Variants in LMCD1 observed in about 807,000 individuals in gnomAD.
The protein encoded by LMCD1 is LIM and cysteine-rich domains protein 1.
A neutral mutation model predicts 42.7 loss-of-function variants in LMCD1; 32 were observed. The ratio of observed to expected loss-of-function variants is 0.75; its 90% CI spans 0.57 to 1.01. The LOEUF (loss-of-function observed/expected upper bound fraction) is 1.01. Among genes scored for constraint, LMCD1 ranks in the 50% least tolerant of loss-of-function variants. The probability of loss-of-function intolerance (pLI) is 0.00; values close to 1 mark genes in which losing one functional copy is unlikely to be tolerated. For synonymous variants in LMCD1, 178 were observed against 184.9 expected (o/e 0.96, Z 0.30); for missense variants, 458 against 483.1 (o/e 0.95, Z 0.49).
chr3:8,543,378 T>TGATA (rs1015561297), intron 3 of LMCD1, among the ~76,000 whole-genome samples: 11 of 91,456 alleles, frequency 1.2e-4, no homozygotes, highest in East Asian at 6.4e-4. Context: ...TTTAAACTGC[T>TGATA]GATAGATAGA....
intron 4 of LMCD1, among the ~76,000 whole-genome samples, chr3:8,555,640 A>G (rs190362255): frequency 5.9e-5 from 9 of 151,906 alleles, no homozygotes; most frequent in Admixed American, 1.3e-4. Context: ...TTTTGTTCCA[A>G]AGAAACTTCC....
At position 8,548,557 on chromosome 3, in the gene LMCD1, C is replaced by G; in HGVS notation, c.388-11C>G. On this transcript the variant is annotated splice_polypyrimidine_tract_variant and intron_variant, in intron 3 of 5. Coordinates refer to ENST00000157600, the MANE Select transcript of LMCD1 (RefSeq NM_014583.4). ...CACATCATGTTGTCTCTTCCTCCTC[C>G]TCCTCCCTAGGGACTGCAGTACATG... The G allele has an allele frequency of 6.4e-7, 1 of 1,574,788 alleles. No individual in the cohort carries two copies. The highest frequency in any genetic ancestry group is 8.7e-7 in the Non-Finnish European group (1 of 1,154,578).
chr3:8,528,079 T>C (rs1694332926), intron 1 of LMCD1, among the ~76,000 whole-genome samples: 1 of 152,194 alleles, frequency 6.6e-6, no homozygotes, highest in African/African-American at 2.4e-5. Flanking sequence ...TCAGAAAGAC[T>C]TGGAGCTGAG....
In LMCD1 at chr3:8,553,082, C is replaced by T. The variant is rs1049981316; in HGVS notation, c.723+4179C>T. ...CATAACCCTCCCTGTTCCTGGAGAG[C>T]TCTGGAAGCACAGGTGCAGAATCTA... On this transcript the variant is annotated intron_variant, in intron 4 of 5. Coordinates refer to ENST00000157600, the MANE Select transcript of LMCD1 (RefSeq NM_014583.4). Among the ~76,000 whole-genome samples, 4 of 152,180 alleles carry T rather than the reference C, an allele frequency of 2.6e-5. 1 individual carries two copies. The highest frequency in any genetic ancestry group is 2.9e-5 in the Non-Finnish European group (2 of 68,026).
chr3:8,547,802 C>G (rs953472549), intron 3 of LMCD1, among the ~76,000 whole-genome samples: 32 of 151,826 alleles, frequency 2.1e-4, no homozygotes, highest in Non-Finnish European at 4.0e-4. Flanking sequence ...AGGAGAATGG[C>G]GTGAACCCGG....
At chr3:8,514,269 G>A (rs1417443618) in intron 1 of LMCD1, among the ~76,000 whole-genome samples, 1 of 152,118 alleles carries the variant, frequency 6.6e-6, no homozygotes, top group African/African-American at 2.4e-5. Context: ...AAGAAAACAT[G>A]TTCAACATCA....
intron 1 of LMCD1, among the ~76,000 whole-genome samples, chr3:8,510,146 C>T (rs1332439624): frequency 4.6e-5 from 7 of 152,166 alleles, no homozygotes; most frequent in Admixed American, 6.5e-5. Flanking sequence ...GACTCAGTGG[C>T]GTTTCTAGGT....
At chr3:8,512,605 A>T (rs1452785750) in intron 1 of LMCD1, among the ~76,000 whole-genome samples, 1 of 152,198 alleles carries the variant, frequency 6.6e-6, no homozygotes, top group Non-Finnish European at 1.5e-5. Context: ...TCAATGGCCC[A>T]TGGGGAAGAT....
intron 1 of LMCD1, among the ~76,000 whole-genome samples, chr3:8,513,731 C>T (rs1317240182): frequency 2.0e-5 from 3 of 152,110 alleles, no homozygotes; most frequent in Admixed American, 1.3e-4. Context: ...TCGCTTATTA[C>T]TATATGGAAT....
At position 8,568,300 on chromosome 3, in the gene LMCD1, A is replaced by G. The variant is rs748847587; in HGVS notation, c.*702A>G. The stretch of plus-strand genomic sequence containing the variant: ...ACCTGCCTATTCCAGATACTCCCAG[A>G]TCACTAATGTAACAAAGGTATCATG... On this transcript the variant is annotated 3_prime_UTR_variant, in exon 6 of 6. Transcript: ENST00000157600. The G allele has an allele frequency of 1.3e-5, 2 of 152,216 alleles. No individual in the cohort carries two copies. Among genetic ancestry groups the G allele is most frequent in the Non-Finnish European group, 2.9e-5 (2 of 68,052 alleles). 9.4% of individuals were successfully genotyped at this position (152,216 alleles called of 1,614,324 possible).
Position 8,567,448 on chromosome 3 carries a change from C to T in LMCD1, c.948C>T (p.Phe316=), listed in dbSNP as rs201589414. 2.5e-4 allele frequency: 401 copies of T among 1,613,800 alleles called. No homozygotes were observed. The highest frequency in any genetic ancestry group is 1.3e-3 in the South Asian group (115 of 91,030). Residue 316 remains phenylalanine (F), a synonymous_variant, in exon 6 of 6, where the codon TTC becomes TTT. Coordinates refer to ENST00000157600, the MANE Select transcript of LMCD1 (RefSeq NM_014583.4). ...PRCSGCDEII[F]AEDYQRVEDL... ...CCTGCTCCCCTCCCCAGATAATATT[C>T]GCTGAGGACTACCAGCGTGTGGAAG...
chr3:8,567,655 T>C lies in LMCD1; in HGVS notation c.*57T>C. 1 of 1,560,884 alleles carries C rather than the reference T, an allele frequency of 6.4e-7. No individual in the cohort carries two copies. The highest frequency in any genetic ancestry group is 8.7e-7 in the Non-Finnish European group (1 of 1,152,340). On this transcript the variant is annotated 3_prime_UTR_variant, in exon 6 of 6. Coordinates refer to ENST00000157600, the MANE Select transcript of LMCD1 (RefSeq NM_014583.4). Reference sequence around the variant, plus strand: ...GATCCCACCGAGAAGGAGAGCCAGGTGTGCCGAGACCATCCTAAGGGTCCG... The same window carrying C: ...GATCCCACCGAGAAGGAGAGCCAGGCGTGCCGAGACCATCCTAAGGGTCCG...
chr3:8,549,581 CA>C (rs1447702173), intron 4 of LMCD1, among the ~76,000 whole-genome samples: 1 of 152,236 alleles, frequency 6.6e-6, no homozygotes, highest in African/African-American at 2.4e-5. Context: ...AGGTCATAGA[CA>C]GGCTTTTGGT....
intron 1 of LMCD1, among the ~76,000 whole-genome samples, chr3:8,502,796 ACCT>A (rs1693789744): frequency 6.6e-6 from 1 of 152,058 alleles, no homozygotes; most frequent in South Asian, 2.1e-4. Flanking sequence ...CTTGTTGCCT[ACCT>A]GAATGCAGCT....
chr3:8,511,794 C>G (rs1694006646), intron 1 of LMCD1, among the ~76,000 whole-genome samples: 1 of 152,188 alleles, frequency 6.6e-6, no homozygotes, highest in South Asian at 2.1e-4. Flanking sequence ...CTCTTCCTCT[C>G]AAGCAAAACC....
intron 1 of LMCD1, chr3:8,514,913 G>A (rs943074271): frequency 1.2e-4 from 53 of 455,976 alleles, no homozygotes; most frequent in African/African-American, 7.8e-4. Context: ...AATATTCTAC[G>A]TGTTTATCTA....
At position 8,552,374 on chromosome 3, in the gene LMCD1, G is replaced by C. The variant is rs571588917; in HGVS notation, c.723+3471G>C. On this transcript the variant is annotated intron_variant, in intron 4 of 5. Coordinates refer to ENST00000157600, the MANE Select transcript of LMCD1 (RefSeq NM_014583.4). ...CATGTGGCTGGCTCAGGAGACGTTA[G>C]AGTGAACATGAAACTACGTGAGTTT... Among the ~76,000 whole-genome samples, 4 of 152,304 alleles carry C rather than the reference G, an allele frequency of 2.6e-5. No individual in the cohort carries two copies. The South Asian group carries it at 8.3e-4, about 32-fold the overall frequency.
intron 1 of LMCD1, among the ~76,000 whole-genome samples, chr3:8,530,439 A>T (rs1293282110): frequency 6.6e-6 from 1 of 152,184 alleles, no homozygotes; most frequent in African/African-American, 2.4e-5. Context: ...ATTCTAAATC[A>T]AACCCCGAGT....
intron 1 of LMCD1, among the ~76,000 whole-genome samples, chr3:8,522,757 T>G (rs969655695): frequency 5.9e-5 from 9 of 152,176 alleles, no homozygotes; most frequent in Admixed American, 4.6e-4. Flanking sequence ...CTGGAAAAAC[T>G]AATCCTGAGA....
Sources: allele counts gnomAD v4.1 joint callset (sites outside exome capture counted in the v4.1 genomes callset), GRCh38; gene constraint gnomAD v4.1.1; transcripts MANE v1.5; gene names NCBI Gene and HGNC (gene_info 2026-07-23, HGNC 2026-07-21).